CHFR: variants seen among roughly 807,000 people sequenced by gnomAD.
CHFR encodes E3 ubiquitin-protein ligase CHFR.
CHFR carries 57 observed loss-of-function variants against 87.6 expected under a neutral mutation model. That is an observed-to-expected ratio of 0.65 (90% CI 0.53 to 0.81). The LOEUF (loss-of-function observed/expected upper bound fraction) is 0.81, where lower values mean the gene tolerates loss of function less well. Among genes scored for constraint, CHFR ranks in the 30% least tolerant of loss-of-function variants. The pLI is 0.00. For missense variants in CHFR, 797 were observed against 865.8 expected (o/e 0.92, Z 1.00); for synonymous variants, 381 against 359.2 (o/e 1.06, Z -0.69).
chr12:132,877,927 A>G (rs12826076), intron 2 of CHFR, among the ~76,000 whole-genome samples: 1 of 151,964 alleles, frequency 6.6e-6, no homozygotes, highest in East Asian at 1.9e-4. Context: ...CTCAGCCTCC[A>G]GAGTAGCTGG....
chr12:132,842,667 G>A (rs776942224), intron 17 of CHFR, among the ~76,000 whole-genome samples: 4 of 152,228 alleles, frequency 2.6e-5, no homozygotes, highest in Non-Finnish European at 4.4e-5. Context: ...CTCACGGGAC[G>A]GACGAGAACC....
rs145650461 is a variant in CHFR, at chr12:132,882,660, G to A, written c.133+4536C>T. 1.7e-3 allele frequency among the ~76,000 whole-genome samples: 264 copies of A among 151,122 alleles called. 2 individuals are homozygous for A. The Middle Eastern group carries it at 0.024, about 14-fold the overall frequency. Reference sequence around the variant, plus strand: ...CAAAACCAGTGCAAGTCACGGTGTCGCCAGAGCCAGTTTGTAACAGAGGCG... The same window carrying A: ...CAAAACCAGTGCAAGTCACGGTGTCACCAGAGCCAGTTTGTAACAGAGGCG... On this transcript the variant is annotated intron_variant, in intron 2 of 17. Coordinates refer to ENST00000450056, the MANE Select transcript of CHFR (RefSeq NM_001161346.2).
At chr12:132,868,837 G>A (rs1433326123) in intron 6 of CHFR, among the ~76,000 whole-genome samples, 110 of 102,992 alleles carry the variant, frequency 1.1e-3, no homozygotes, top group Middle Eastern at 5.4e-3. Context: ...CATGGGGAGT[G>A]ACTGCTGGTG....
intron 10 of CHFR, 91 bp from the exon 11 acceptor site, chr12:132,853,664 G>A: frequency 7.2e-7 from 1 of 1,396,562 alleles, no homozygotes. Flanking sequence ...TCACAGCTCA[G>A]CTCCACCGTC....
chr12:132,853,735 T>TA (rs1049043829), intron 10 of CHFR, 162 bp from the exon 11 acceptor site: 11 of 781,746 alleles, frequency 1.4e-5, no homozygotes, highest in Non-Finnish European at 1.9e-5. Context: ...ACCCCAGTGT[T>TA]AGAGAGGGAC....
At chr12:132,845,908 A>G (rs1950811688) in intron 15 of CHFR, among the ~76,000 whole-genome samples, 1 of 152,156 alleles carries the variant, frequency 6.6e-6, no homozygotes, top group South Asian at 2.1e-4. Flanking sequence ...CCTGTCAGTA[A>G]CAGTATGAAC....
rs1411288512 is a variant in CHFR, at chr12:132,847,141, A to G, written c.1648-11T>C. On this transcript the variant is annotated splice_polypyrimidine_tract_variant and intron_variant, in intron 14 of 17. Coordinates refer to ENST00000450056, the MANE Select transcript of CHFR (RefSeq NM_001161346.2). ...GGTTGCCAGGTAATTCTGTGACGCAAAAAAAGAGAGGAATAAGAAATACTC... is the reference window on the plus strand; with the variant it reads ...GGTTGCCAGGTAATTCTGTGACGCAGAAAAAGAGAGGAATAAGAAATACTC... The G allele has an allele frequency of 1.1e-5, 18 of 1,613,140 alleles. No individual in the cohort carries two copies. Among genetic ancestry groups the G allele is most frequent in the Non-Finnish European group, 1.5e-5 (18 of 1,179,468 alleles).
chr12:132,851,565 A>G lies in CHFR; in HGVS notation c.1492+53T>C, dbSNP rs982252064. On this transcript the variant is annotated intron_variant, in intron 12 of 17. Coordinates refer to ENST00000450056, the MANE Select transcript of CHFR (RefSeq NM_001161346.2). ...AAGGCCAACACCGCTTTGAAACCTG[A>G]CCCCTGAAGGACAGATAGGAACCCG... The G allele has an allele frequency of 5.9e-6, 9 of 1,533,088 alleles. No individual in the cohort carries two copies. In the African/African-American group the frequency reaches 6.9e-5, roughly 12 times the overall value. 95.0% of individuals were successfully genotyped at this position (1,533,088 alleles called of 1,614,324 possible).
At chr12:132,872,239 G>T in intron 4 of CHFR, 46 bp downstream of exon 4, 1 of 1,243,316 alleles carries the variant, frequency 8.0e-7, no homozygotes, top group South Asian at 1.2e-5. Context: ...GCCCTCACGT[G>T]CACCCCCGTG....
chr12:132,856,888 C>T (rs1951084105), intron 9 of CHFR, among the ~76,000 whole-genome samples: 1 of 147,728 alleles, frequency 6.8e-6, no homozygotes, highest in African/African-American at 2.5e-5. Context: ...CCTCACTTGC[C>T]TGGGTGCTGG....
At chr12:132,857,834 C>T (rs1951117060) in intron 8 of CHFR, among the ~76,000 whole-genome samples, 1 of 152,240 alleles carries the variant, frequency 6.6e-6, no homozygotes, top group Admixed American at 6.5e-5. Flanking sequence ...GGAAGGTTGT[C>T]ACTCTTGAGT....
intron 14 of CHFR, chr12:132,847,574 C>T (rs540867084): frequency 9.4e-7 from 1 of 1,063,810 alleles, no homozygotes; most frequent in Non-Finnish European, 1.1e-6. Context: ...CGGGCGCCTG[C>T]CAGGTGTGTC....
intron 7 of CHFR, 128 bp downstream of exon 7, chr12:132,861,339 A>G (rs1489807106): frequency 6.6e-6 from 6 of 910,712 alleles, no homozygotes; most frequent in Non-Finnish European, 1.0e-5. Context: ...TGTTACAGGC[A>G]TCAACCTGAG....
In CHFR at chr12:132,839,394, C is replaced by G. The variant is rs1950672762; in HGVS notation, c.*2160G>C. 6.3e-6 allele frequency: 1 copy of G among 158,130 alleles called. No homozygotes were observed. The highest frequency in any genetic ancestry group is 1.4e-5 in the Non-Finnish European group (1 of 72,584). The allele number at this position is 158,130 out of a possible 1,614,324, so 9.8% of individuals were successfully genotyped here. On this transcript the variant is annotated 3_prime_UTR_variant, in exon 18 of 18. Coordinates refer to ENST00000450056, the MANE Select transcript of CHFR (RefSeq NM_001161346.2). ...CAGGACCTCCCCTCTTGGCCTCACC[C>G]CTGCACAAACTTGCAACCTCCCCTC...
At chr12:132,847,665 T>A (rs900171617) in intron 14 of CHFR, 3 of 1,095,806 alleles carry the variant, frequency 2.7e-6, no homozygotes, top group African/African-American at 3.3e-5. Context: ...ATGTTAAACA[T>A]ATGTAAATCC....
Position 132,844,022 on chromosome 12 carries a change from C to T in CHFR, c.1843+5G>A. The T allele has an allele frequency of 6.2e-7, 1 of 1,603,588 alleles. No homozygotes were observed. The highest frequency in any genetic ancestry group is 8.5e-7 in the Non-Finnish European group (1 of 1,170,590). On this transcript the variant is annotated splice_donor_5th_base_variant and intron_variant, in intron 16 of 17. Coordinates refer to ENST00000450056, the MANE Select transcript of CHFR (RefSeq NM_001161346.2). ...AGAGCCATGAGGAAGTCGGGGGCTC[C>T]TTACCTGGCAACTCGGAAGCAGGAA...
At chr12:132,862,103 T>A (rs1274355076) in intron 6 of CHFR, among the ~76,000 whole-genome samples, 1 of 151,982 alleles carries the variant, frequency 6.6e-6, no homozygotes, top group Non-Finnish European at 1.5e-5. Context: ...TGAAACCCCA[T>A]CTCTACTAAA....
intron 10 of CHFR, 133 bp downstream of exon 10, chr12:132,856,334 AT>A (rs1355180536): frequency 3.2e-6 from 3 of 932,934 alleles, no homozygotes; most frequent in Non-Finnish European, 4.9e-6. Context: ...AGCTCAAGCC[AT>A]TTAAGAGCTT....
chr12:132,883,499 G>A (rs1951816152), intron 2 of CHFR, among the ~76,000 whole-genome samples: 1 of 151,950 alleles, frequency 6.6e-6, no homozygotes, highest in Admixed American at 6.6e-5. Context: ...GCCGAGGCGG[G>A]TGGATCATGA....
Sources: gnomAD v4.1 joint callset for allele counts (sites outside exome capture counted in the v4.1 genomes callset) on GRCh38, gnomAD v4.1.1 for gene constraint, MANE v1.5 for transcripts, NCBI Gene and HGNC (gene_info 2026-07-23, HGNC 2026-07-21) for gene names.